PCBP3: variants seen among roughly 807,000 people sequenced by gnomAD.
PCBP3 encodes the protein poly(rC) binding protein 3, also known as poly(rC)-binding protein 3.
A neutral mutation model predicts 52.7 loss-of-function variants in PCBP3; 25 were observed. That is an observed-to-expected ratio of 0.47 (90% confidence interval 0.35 to 0.66). The LOEUF (loss-of-function observed/expected upper bound fraction) is 0.66. Ranked by LOEUF, PCBP3 falls within the 30% of genes least tolerant of loss-of-function variation. The probability of loss-of-function intolerance (pLI) is 0.01; values close to 1 mark genes in which losing one functional copy is unlikely to be tolerated. For missense variants in PCBP3, 391 were observed against 490.3 expected, an observed-to-expected ratio of 0.80 and a Z score of 1.91; for synonymous variants, 162 against 183.0, an observed-to-expected ratio of 0.89 and a Z score of 0.93.
In PCBP3 at chr21:45,829,959, C is replaced by G. The variant is rs1414639706; in HGVS notation, c.-125-20002C>G. 6.5e-6 allele frequency: 1 copy of G among 152,838 alleles called. No individual in the cohort carries two copies. The highest frequency in any genetic ancestry group is 1.5e-5 in the Non-Finnish European group (1 of 68,164). The allele number at this position is 152,838 out of a possible 1,614,324, so 9.5% of individuals were successfully genotyped here. Reference sequence around the variant, plus strand: ...TCAGCTTTCACCCACCAGCCTGAGACCAGCTTCTGCTGCCCTGCTGCGATC... The same window carrying G: ...TCAGCTTTCACCCACCAGCCTGAGAGCAGCTTCTGCTGCCCTGCTGCGATC... On this transcript the variant is annotated intron_variant, in intron 4 of 17. Transcript: ENST00000681687. This position sits in a 1 kb window ranked among gnomAD's most constrained non-coding sequence, Gnocchi z 5.2.
chr21:45,670,198 T>C (rs953690583), intron 2 of PCBP3, among the ~76,000 whole-genome samples: 4 of 152,296 alleles, frequency 2.6e-5, no homozygotes, highest in Admixed American at 2.6e-4. Context: ...TGCTTTTCTC[T>C]AATGATTAGT....
At chr21:45,743,914 T>C (rs567475815) in intron 3 of PCBP3, among the ~76,000 whole-genome samples, 5 of 152,150 alleles carry the variant, frequency 3.3e-5, no homozygotes, top group Non-Finnish European at 7.3e-5. Flanking sequence ...CAGCCTTCGA[T>C]AGAATTCTAC....
At chr21:45,670,060 C>T (rs1180921318) in intron 2 of PCBP3, among the ~76,000 whole-genome samples, 4 of 151,814 alleles carry the variant, frequency 2.6e-5, no homozygotes, top group South Asian at 4.2e-4. Flanking sequence ...ATAGCAGCTC[C>T]GCATTTTACA....
rs577690330 is a variant in PCBP3, at chr21:45,792,283, C to T, written c.-126+36831C>T. 3.3e-5 allele frequency among the ~76,000 whole-genome samples: 5 copies of T among 152,356 alleles called. No homozygotes were observed. The East Asian group carries it at 5.8e-4, about 18-fold the overall frequency. The stretch of plus-strand genomic sequence containing the variant: ...AGAGCTGCGGCAAGGGCAAGAGAAC[C>T]GCTGGGGCAGCCTTGGGATGCCAGG... On this transcript the variant is annotated intron_variant, in intron 4 of 17. Transcript: ENST00000681687.
At position 45,917,362 on chromosome 21, in the gene PCBP3, A is replaced by G; in HGVS notation, c.676-226A>G. 2.8e-6 allele frequency: 1 copy of G among 352,758 alleles called. No individual in the cohort carries two copies. The allele number at this position is 352,758 out of a possible 1,614,324, so 21.9% of individuals were successfully genotyped here. ...TGAACTGTTTCCCTCCCACCCGCTG[A>G]ACTGGCCAGCTCAGCTCTGCCCGCC... On this transcript the variant is annotated intron_variant, in intron 12 of 17. Coordinates refer to ENST00000681687, the MANE Select transcript of PCBP3 (RefSeq NM_001384156.1). This position sits in a 1 kb window ranked among gnomAD's most constrained non-coding sequence, Gnocchi z 5.3.
chr21:45,653,124 T>C (rs1317199692), intron 1 of PCBP3, among the ~76,000 whole-genome samples: 2 of 152,340 alleles, frequency 1.3e-5, no homozygotes, highest in East Asian at 1.9e-4. Context: ...CTTTCTATGA[T>C]TTTAATCCTT....
intron 2 of PCBP3, chr21:45,728,697 C>G (rs1445362302): frequency 6.6e-6 from 1 of 152,074 alleles, no homozygotes; most frequent in Admixed American, 6.5e-5. Flanking sequence ...AAAGTCATCT[C>G]GGTCAGCACT....
intron 4 of PCBP3, among the ~76,000 whole-genome samples, chr21:45,815,495 ATGAGTGAGTGG>A (rs1454133533): frequency 2.6e-5 from 2 of 76,732 alleles, no homozygotes; most frequent in East Asian, 4.8e-4. Context: ...GTGGTGAGTG[ATGAGTGAGTGG>A]TGAGTGAGTG....
intron 4 of PCBP3, among the ~76,000 whole-genome samples, chr21:45,814,503 AGTG>A (rs1445149350): frequency 2.2e-5 from 2 of 89,280 alleles, no homozygotes; most frequent in Admixed American, 1.0e-4. Flanking sequence ...GTGAGTGGTG[AGTG>A]GTGAGTGATG....
At chr21:45,715,366 A>G (rs1223564834) in intron 2 of PCBP3, among the ~76,000 whole-genome samples, 1 of 152,236 alleles carries the variant, frequency 6.6e-6, no homozygotes, top group Non-Finnish European at 1.5e-5. Flanking sequence ...GAATTGAGGT[A>G]TAATTTGCAT....
chr21:45,865,872 C>T (rs1247526912), intron 5 of PCBP3, among the ~76,000 whole-genome samples: 2 of 152,194 alleles, frequency 1.3e-5, no homozygotes, highest in African/African-American at 4.8e-5. Context: ...CCCCCCACAG[C>T]CGGAGCCTCC....
In PCBP3 at chr21:45,874,075, G is replaced by A. The variant is rs554472450; in HGVS notation, c.11-22133G>A. On this transcript the variant is annotated intron_variant, in intron 5 of 17. Coordinates refer to ENST00000681687, the MANE Select transcript of PCBP3 (RefSeq NM_001384156.1). ...CAGGCTGGGCTCAAGTGATCCACCC[G>A]CCTCAGCCTCCCTAAGTGCTGGGAT... Among the ~76,000 whole-genome samples, 173 of 152,050 alleles carry A rather than the reference G, an allele frequency of 1.1e-3. 1 individual carries two copies. Among genetic ancestry groups the A allele is most frequent in the Middle Eastern group, 6.8e-3 (2 of 294 alleles).
intron 2 of PCBP3, among the ~76,000 whole-genome samples, chr21:45,733,089 A>G (rs993547101): frequency 6.6e-6 from 1 of 152,176 alleles, no homozygotes. Context: ...CTGTCTGTAC[A>G]TTGACTGATC....
chr21:45,930,644 A>T, intron 14 of PCBP3, 142 bp from the exon 15 acceptor site: 1 of 548,946 alleles, frequency 1.8e-6, no homozygotes, highest in Admixed American at 3.1e-5. Flanking sequence ...CCCTCCCCAC[A>T]GAGGCAGTGC....
chr21:45,722,502 T>C (rs2084723445), intron 2 of PCBP3, among the ~76,000 whole-genome samples: 1 of 152,226 alleles, frequency 6.6e-6, no homozygotes, highest in Non-Finnish European at 1.5e-5. Context: ...ATCTTTGAAA[T>C]GCAGAAGTTT....
chr21:45,725,360 C>T (rs2084949420), intron 2 of PCBP3, among the ~76,000 whole-genome samples: 1 of 152,308 alleles, frequency 6.6e-6, no homozygotes, highest in Middle Eastern at 3.4e-3. Flanking sequence ...TTTTCCCTTT[C>T]CCTTGTCCAA....
At chr21:45,781,321 C>A (rs1221194111) in intron 4 of PCBP3, among the ~76,000 whole-genome samples, 2 of 152,098 alleles carry the variant, frequency 1.3e-5, no homozygotes, top group Non-Finnish European at 2.9e-5. Flanking sequence ...AAATGCAGTA[C>A]TAAGGAAATA....
chr21:45,801,158 G>A (rs570874666), intron 4 of PCBP3, among the ~76,000 whole-genome samples: 2 of 152,364 alleles, frequency 1.3e-5, no homozygotes, highest in East Asian at 3.9e-4. Context: ...CTGCCACTGC[G>A]TCCTGTGGGA....
At position 45,677,984 on chromosome 21, in the gene PCBP3, C is replaced by T. The variant is rs530466775; in HGVS notation, c.-200+9032C>T. Among the ~76,000 whole-genome samples the T allele has an allele frequency of 2.6e-5, 4 of 152,274 alleles. No individual in the cohort carries two copies. The South Asian group carries it at 6.2e-4, about 24-fold the overall frequency. On this transcript the variant is annotated intron_variant, in intron 2 of 17. Transcript: ENST00000681687. Reference sequence around the variant, plus strand: ...ATGCTGTTTTCATGCCCATTAACACCGCATCCATTCTGCAAGCCATGGGTC... The same window carrying T: ...ATGCTGTTTTCATGCCCATTAACACTGCATCCATTCTGCAAGCCATGGGTC...
Sources: allele counts gnomAD v4.1 joint callset (sites outside exome capture counted in the v4.1 genomes callset), GRCh38; gene constraint gnomAD v4.1.1; non-coding constraint Gnocchi (gnomAD v3.1); transcripts MANE v1.5; gene names NCBI Gene and HGNC (gene_info 2026-07-23, HGNC 2026-07-21).